DPP6: variants seen among roughly 807,000 people sequenced by gnomAD.
DPP6 encodes the protein dipeptidyl peptidase like 6.
DPP6 carries 69 observed loss-of-function variants against 122.6 expected under a neutral mutation model. That is an observed-to-expected ratio of 0.56 (90% CI 0.46 to 0.69). The LOEUF (loss-of-function observed/expected upper bound fraction) is 0.69. Among genes scored for constraint, DPP6 ranks in the 30% least tolerant of loss-of-function variants. The pLI is 0.00. For missense variants in DPP6, 928 were observed against 1,116.9 expected, an observed-to-expected ratio of 0.83 and a Z score of 2.41; for synonymous variants, 418 against 433.1, an observed-to-expected ratio of 0.97 and a Z score of 0.43.
At chr7:154,706,602 A>G (rs532696026) in intron 7 of DPP6, among the ~76,000 whole-genome samples, 2 of 152,158 alleles carry the variant, frequency 1.3e-5, no homozygotes, top group Non-Finnish European at 2.9e-5. Flanking sequence ...CCACCTCTCC[A>G]TGTCCCTGGA....
intron 1 of DPP6, among the ~76,000 whole-genome samples, chr7:154,298,083 T>C (rs953418541): frequency 6.6e-6 from 1 of 152,174 alleles, no homozygotes; most frequent in African/African-American, 2.4e-5. Context: ...GTCCGATTAG[T>C]TGAAGGCTTT....
chr7:154,637,579 C>T (rs1835806884), intron 5 of DPP6, among the ~76,000 whole-genome samples: 1 of 152,170 alleles, frequency 6.6e-6, no homozygotes, highest in Non-Finnish European at 1.5e-5. Context: ...AATCACACAC[C>T]AGGTAGCCAT....
chr7:154,447,940 T>C (rs1207450510), intron 2 of DPP6, among the ~76,000 whole-genome samples: 2 of 152,112 alleles, frequency 1.3e-5, no homozygotes, highest in African/African-American at 4.8e-5. Flanking sequence ...CAAGTATCTG[T>C]GAAAAACCCA....
At position 154,806,939 on chromosome 7, in the gene DPP6, G is replaced by A. The variant is rs920093980; in HGVS notation, c.1548-55G>A. Reference sequence around the variant, plus strand: ...AGCCCACCAGCTTGCGGCACCCAGCGTGGAGGGCAGCTCCTCTCCGCCCAC... The same window carrying A: ...AGCCCACCAGCTTGCGGCACCCAGCATGGAGGGCAGCTCCTCTCCGCCCAC... On this transcript the variant is annotated intron_variant, in intron 15 of 25. Coordinates refer to ENST00000377770, the MANE Select transcript of DPP6 (RefSeq NM_130797.4). The A allele has an allele frequency of 2.7e-5, 43 of 1,594,334 alleles. No homozygotes were observed. In the African/African-American group the frequency reaches 3.1e-4, roughly 11 times the overall value.
chr7:154,711,937 A>AATACACAC (rs1554443005), intron 7 of DPP6, among the ~76,000 whole-genome samples: 1 of 124,612 alleles, frequency 8.0e-6, no homozygotes, highest in African/African-American at 3.5e-5. Flanking sequence ...ATTGTCACTT[A>AATACACAC]ATACACACAC....
intron 3 of DPP6, among the ~76,000 whole-genome samples, chr7:154,537,085 C>A (rs1265793962): frequency 6.6e-6 from 1 of 151,972 alleles, no homozygotes; most frequent in Non-Finnish European, 1.5e-5. Flanking sequence ...TTAATAATTT[C>A]TGCTTATCAA....
chr7:154,820,470 C>T (rs1799688268), intron 16 of DPP6, among the ~76,000 whole-genome samples: 1 of 152,154 alleles, frequency 6.6e-6, no homozygotes, highest in African/African-American at 2.4e-5. Context: ...TAGTCAAATA[C>T]CCCAGTTGCC....
chr7:154,299,613 G>C (rs1050672783), intron 1 of DPP6, among the ~76,000 whole-genome samples: 2 of 152,120 alleles, frequency 1.3e-5, no homozygotes, highest in African/African-American at 4.8e-5. Flanking sequence ...TTTATTTTTA[G>C]GGGATTGTAA....
At chr7:154,438,231 G>A (rs1819034769) in intron 1 of DPP6, among the ~76,000 whole-genome samples, 2 of 152,102 alleles carry the variant, frequency 1.3e-5, no homozygotes, top group South Asian at 4.1e-4. Context: ...ACTTTGGGAG[G>A]CCAAGGAGGG....
Position 154,470,812 on chromosome 7 carries a change from G to A in DPP6, c.359-4127G>A, listed in dbSNP as rs377349220. ...GTGATCCCTGAATTGCCTTTGGGAT[G>A]AAATCCAAACAGTGAAAGCCACTGC... On this transcript the variant is annotated intron_variant, in intron 2 of 25. Transcript: ENST00000377770. Among the ~76,000 whole-genome samples, 9 of 152,318 alleles carry A rather than the reference G, an allele frequency of 5.9e-5. No individual in the cohort carries two copies. In the East Asian group the frequency reaches 1.2e-3, roughly 20 times the overall value.
intron 1 of DPP6, among the ~76,000 whole-genome samples, chr7:154,270,779 C>G (rs1191788560): frequency 1.3e-5 from 2 of 152,138 alleles, no homozygotes; most frequent in South Asian, 4.1e-4. Flanking sequence ...AGTGCCTGGT[C>G]TCTGGGTGTG....
chr7:153,855,201 C>T, the DPP6 span, among the ~76,000 whole-genome samples: 65 of 150,222 alleles, frequency 4.3e-4, no homozygotes, highest in African/African-American at 1.4e-3. Flanking sequence ...AACTAACCTG[C>T]ACAATGTGCA....
intron 1 of DPP6, among the ~76,000 whole-genome samples, chr7:154,327,637 G>T (rs1264344349): frequency 2.6e-5 from 4 of 152,036 alleles, no homozygotes; most frequent in African/African-American, 9.7e-5. Flanking sequence ...TTTCAAAGAC[G>T]GAACTAGAAT....
At chr7:153,923,999 C>T (rs1165792392) in intron 1 of DPP6, among the ~76,000 whole-genome samples, 4 of 152,120 alleles carry the variant, frequency 2.6e-5, no homozygotes, top group South Asian at 2.1e-4. Flanking sequence ...TTTTCAAATC[C>T]ATGAACATAC....
intron 8 of DPP6, among the ~76,000 whole-genome samples, chr7:154,759,771 G>C (rs1010107671): frequency 6.6e-6 from 1 of 152,196 alleles, no homozygotes; most frequent in Non-Finnish European, 1.5e-5. Flanking sequence ...GTTGCAGAAG[G>C]GGCTCGCTGC....
chr7:154,825,831 A>G (rs562595039), intron 16 of DPP6, among the ~76,000 whole-genome samples: 8 of 152,344 alleles, frequency 5.3e-5, no homozygotes, highest in African/African-American at 1.7e-4. Flanking sequence ...AACATTCCCT[A>G]AGGGAAAGGT....
chr7:154,712,932 C>T (rs1054246858), intron 7 of DPP6, among the ~76,000 whole-genome samples: 2 of 152,152 alleles, frequency 1.3e-5, no homozygotes, highest in African/African-American at 2.4e-5. Flanking sequence ...AAGTCCAAGT[C>T]CAAAGTCTCA....
intron 1 of DPP6, among the ~76,000 whole-genome samples, chr7:154,313,760 T>C (rs1451522804): frequency 7.8e-6 from 1 of 127,448 alleles, no homozygotes; most frequent in Non-Finnish European, 1.6e-5. Context: ...CACCCTTACA[T>C]ATATATGTAG....
intron 13 of DPP6, among the ~76,000 whole-genome samples, 191 bp downstream of exon 13, chr7:154,801,653 C>G (rs546396704): frequency 2.0e-5 from 3 of 152,278 alleles, no homozygotes; most frequent in East Asian, 3.9e-4. Context: ...GAACCTTGCT[C>G]TATCTGGTCA....
Sources: gnomAD v4.1 joint callset for allele counts (sites outside exome capture counted in the v4.1 genomes callset) on GRCh38, gnomAD v4.1.1 for gene constraint, MANE v1.5 for transcripts, NCBI Gene and HGNC (gene_info 2026-07-23, HGNC 2026-07-21) for gene names.